GMDS: variants seen among roughly 807,000 people sequenced by gnomAD.
The protein encoded by GMDS is GDP-mannose 4,6-dehydratase.
In GMDS, 20 loss-of-function variants were observed where a neutral mutation model predicts 49.9. The observed-to-expected ratio is 0.40, with a 90% confidence interval of 0.28 to 0.58. The LOEUF is 0.58. GMDS is among the 20% of genes least tolerant of loss of function. The pLI, the probability that GMDS is intolerant of heterozygous loss-of-function variation, is 0.42. For synonymous variants in GMDS, 177 were observed against 178.6 expected, an observed-to-expected ratio of 0.99 and a Z score of 0.07; for missense variants, 362 against 481.4, an observed-to-expected ratio of 0.75 and a Z score of 2.32.
intron 1 of GMDS, among the ~76,000 whole-genome samples, chr6:2,137,200 A>C (rs994927584): frequency 4.6e-5 from 7 of 152,240 alleles, no homozygotes; most frequent in South Asian, 2.1e-4. Flanking sequence ...GAAAACCTTC[A>C]ATTTCAACAT....
At position 1,953,849 on chromosome 6, in the gene GMDS, T is replaced by C. The variant is rs994054380; in HGVS notation, c.643+6018A>G. Reference sequence around the variant, plus strand: ...ATAATTAAAAAAACCTCTCAATATTTTCCCCATAGTTCACAACTTATATAA... The same window carrying C: ...ATAATTAAAAAAACCTCTCAATATTCTCCCCATAGTTCACAACTTATATAA... On this transcript the variant is annotated intron_variant, in intron 6 of 10. Transcript: ENST00000380815. 3.3e-5 allele frequency among the ~76,000 whole-genome samples: 5 copies of C among 152,314 alleles called. 1 individual carries two copies. Among genetic ancestry groups the C allele is most frequent in the Admixed American group, 1.3e-4 (2 of 15,290 alleles).
chr6:1,889,085 T>C (rs1431351343), intron 7 of GMDS, among the ~76,000 whole-genome samples: 2 of 152,186 alleles, frequency 1.3e-5, no homozygotes, highest in Non-Finnish European at 2.9e-5. Context: ...TTTTGCTGTA[T>C]TGTTATTTTT....
chr6:1,716,358 ACT>A (rs145534567), intron 9 of GMDS, among the ~76,000 whole-genome samples: 2,014 of 152,300 alleles, frequency 0.013, 53 homozygotes, highest in African/African-American at 0.046. Flanking sequence ...GTGAGGAGAC[ACT>A]CTTCCAGAAT....
intron 4 of GMDS, among the ~76,000 whole-genome samples, chr6:2,090,268 G>A (rs1773241822): frequency 6.6e-6 from 1 of 152,168 alleles, no homozygotes; most frequent in African/African-American, 2.4e-5. Context: ...AAGTGTTGTG[G>A]TCAGCCATGG....
chr6:2,210,139 T>C (rs1779999977), intron 1 of GMDS, among the ~76,000 whole-genome samples: 1 of 152,174 alleles, frequency 6.6e-6, no homozygotes, highest in South Asian at 2.1e-4. Context: ...TTGTACAGAA[T>C]ATTTCAAAAA....
intron 7 of GMDS, among the ~76,000 whole-genome samples, chr6:1,898,877 G>A (rs867241572): frequency 6.6e-6 from 1 of 152,136 alleles, no homozygotes; most frequent in African/African-American, 2.4e-5. Flanking sequence ...CAGGACTGAC[G>A]GGGCTCCTGC....
Position 1,866,957 on chromosome 6 carries a change from T to C in GMDS, c.771+63146A>G, listed in dbSNP as rs115551480. On this transcript the variant is annotated intron_variant, in intron 7 of 10. Transcript: ENST00000380815. ...CTTGGTTTATAATTGACTGTTTTGT[T>C]AACTTTTAAATCGACAACAATTTTT... Among the ~76,000 whole-genome samples, 661 of 152,400 alleles carry C rather than the reference T, an allele frequency of 4.3e-3. 8 individuals carry two copies. Among genetic ancestry groups the C allele is most frequent in the African/African-American group, 0.015 (605 of 41,594 alleles).
At chr6:2,228,818 C>A (rs992811629) in intron 1 of GMDS, among the ~76,000 whole-genome samples, 1 of 152,160 alleles carries the variant, frequency 6.6e-6, no homozygotes, top group Non-Finnish European at 1.5e-5. Context: ...CAATACCCCC[C>A]GTTGACAGCT....
rs1249949174 is a variant in GMDS at position 1,652,605 on chromosome 6, AAT to A, written c.988-28067_988-28066del. Among the ~76,000 whole-genome samples the A allele has an allele frequency of 1.3e-3, 7 of 5,510 alleles. 1 individual carries two copies. Among genetic ancestry groups the A allele is most frequent in the South Asian group, 8.3e-3 (2 of 240 alleles). The allele number at this position is 5,510 out of a possible 152,430, so 3.6% of individuals were successfully genotyped here. A position where few individuals can be genotyped will look rare whatever the true frequency, so the allele number is the denominator to read the frequency against. The stretch of plus-strand genomic sequence containing the variant: ...TATTTATATATAATATATTATATAT[AAT>A]ATATATAATATATATTATTTATATA... On this transcript the variant is annotated intron_variant, in intron 9 of 10. Coordinates refer to ENST00000380815, the MANE Select transcript of GMDS (RefSeq NM_001500.4).
chr6:2,173,618 G>A (rs1364450001), intron 1 of GMDS, among the ~76,000 whole-genome samples: 1 of 152,192 alleles, frequency 6.6e-6, no homozygotes, highest in Admixed American at 6.5e-5. Flanking sequence ...AAAACAGGAA[G>A]TTCTATTCTA....
At chr6:1,743,719 C>T (rs6937220) in intron 7 of GMDS, among the ~76,000 whole-genome samples, 148,028 of 151,126 alleles carry the variant, frequency 0.98, 72,513 homozygotes, top group East Asian at 1. Flanking sequence ...TCCTGTATCT[C>T]GCAATTGCAC....
chr6:1,878,040 G>A (rs575027007), intron 7 of GMDS, among the ~76,000 whole-genome samples: 21 of 152,186 alleles, frequency 1.4e-4, no homozygotes, highest in African/African-American at 2.9e-4. Flanking sequence ...CCTGCTGGGC[G>A]CGGTGGCTCA....
chr6:2,016,939 TATAGAA>T (rs1392605571), intron 4 of GMDS, among the ~76,000 whole-genome samples: 1 of 151,932 alleles, frequency 6.6e-6, no homozygotes, highest in Non-Finnish European at 1.5e-5. Flanking sequence ...TTTAAACACT[TATAGAA>T]AGAGCAGAAA....
intron 7 of GMDS, among the ~76,000 whole-genome samples, chr6:1,898,277 A>C (rs2113854071): frequency 6.6e-6 from 1 of 152,354 alleles, no homozygotes; most frequent in Non-Finnish European, 1.5e-5. Flanking sequence ...AAACTTACTA[A>C]ATTTTGCTAA....
At chr6:1,832,491 G>T (rs1756707271) in intron 7 of GMDS, among the ~76,000 whole-genome samples, 2 of 151,868 alleles carry the variant, frequency 1.3e-5, no homozygotes, top group South Asian at 4.2e-4. Flanking sequence ...TTTTTTATGT[G>T]TGTTGGAGAG....
intron 9 of GMDS, among the ~76,000 whole-genome samples, chr6:1,631,593 G>A (rs913849179): frequency 1.3e-5 from 2 of 151,980 alleles, no homozygotes; most frequent in African/African-American, 4.8e-5. Flanking sequence ...AATGTATACA[G>A]TATATTAAGT....
At chr6:2,117,857 C>A (rs1386028178) in intron 2 of GMDS, among the ~76,000 whole-genome samples, 1 of 152,184 alleles carries the variant, frequency 6.6e-6, no homozygotes, top group African/African-American at 2.4e-5. Context: ...TACAGCCTAA[C>A]TGCTGACAAA....
chr6:2,040,347 G>T lies in GMDS; in HGVS notation c.345+75424C>A, dbSNP rs541341086. 3.3e-5 allele frequency among the ~76,000 whole-genome samples: 5 copies of T among 152,314 alleles called. No individual in the cohort carries two copies. The East Asian group carries it at 7.7e-4, about 23-fold the overall frequency. On this transcript the variant is annotated intron_variant, in intron 4 of 10. Transcript: ENST00000380815. ...ATATCATAAATTTGGCTTAAACCCTGTGTAATAAAACACAATTTTATGATC... is the reference window on the plus strand; with the variant it reads ...ATATCATAAATTTGGCTTAAACCCTTTGTAATAAAACACAATTTTATGATC...
chr6:2,125,651 T>G (rs1302715642), intron 1 of GMDS, among the ~76,000 whole-genome samples: 1 of 150,544 alleles, frequency 6.6e-6, no homozygotes, highest in Non-Finnish European at 1.5e-5. Flanking sequence ...ACTAGGTGGG[T>G]TGGGGATATA....
Sources: gnomAD v4.1 joint callset for allele counts (sites outside exome capture counted in the v4.1 genomes callset) on GRCh38, gnomAD v4.1.1 for gene constraint, MANE v1.5 for transcripts, NCBI Gene and HGNC (gene_info 2026-07-23, HGNC 2026-07-21) for gene names.